NUDC: variants seen among roughly 807,000 people sequenced by gnomAD.
NUDC encodes nuclear distribution C, dynein complex regulator.
A neutral mutation model predicts 45.0 loss-of-function variants in NUDC; 14 were observed. The ratio of observed to expected loss-of-function variants is 0.31; its 90% CI spans 0.21 to 0.49. The LOEUF is 0.49. NUDC is among the 20% of genes least tolerant of loss of function. The probability of loss-of-function intolerance (pLI) is 0.99; values close to 1 mark genes in which losing one functional copy is unlikely to be tolerated. For synonymous variants in NUDC, 153 were observed against 156.7 expected, an observed-to-expected ratio of 0.98 and a Z score of 0.17; for missense variants, 323 against 426.2, an observed-to-expected ratio of 0.76 and a Z score of 2.13.
At chr1:26,921,731 T>G (rs1440142627), upstream of NUDC, 2 of 1,149,774 alleles carry the variant, frequency 1.7e-6, no homozygotes, top group African/African-American at 1.5e-5. Flanking sequence ...CGTGCGTGTT[T>G]CCGGCTCCGC....
At chr1:26,931,369 C>CGCCTG (rs2082182013) in intron 2 of NUDC, among the ~76,000 whole-genome samples, 16 of 142,100 alleles carry the variant, frequency 1.1e-4, no homozygotes, top group Admixed American at 1.1e-3. Context: ...TGAACCACTG[C>CGCCTG]GCCTGGCCTT....
At chr1:26,925,389 A>C (rs1196094340) in intron 2 of NUDC, among the ~76,000 whole-genome samples, 18 of 150,854 alleles carry the variant, frequency 1.2e-4, no homozygotes, top group Non-Finnish European at 2.4e-4. Flanking sequence ...AAACACAAAA[A>C]ATTAGCCAGG....
chr1:26,916,388 T>TA (rs940580610), intron 3 of NUDC, among the ~76,000 whole-genome samples: 87 of 149,518 alleles, frequency 5.8e-4, no homozygotes, highest in African/African-American at 8.6e-4. Context: ...AGACTCTGTC[T>TA]AAAAAAAAAC....
At chr1:26,919,431 G>A (rs1017689045), upstream of NUDC, among the ~76,000 whole-genome samples, 1 of 152,168 alleles carries the variant, frequency 6.6e-6, no homozygotes, top group African/African-American at 2.4e-5. Context: ...CAAGTGTTGG[G>A]ATTACAGGCA....
chr1:26,900,423 G>T (rs762400681), intron 1 of NUDC: 2 of 1,609,660 alleles, frequency 1.2e-6, no homozygotes, highest in Non-Finnish European at 1.7e-6. Context: ...CTCCTCCTCC[G>T]CCTCGCCGGG....
At chr1:26,921,547 T>C (rs1249318076), upstream of NUDC, among the ~76,000 whole-genome samples, 2 of 152,224 alleles carry the variant, frequency 1.3e-5, no homozygotes, top group Admixed American at 6.5e-5. Flanking sequence ...TAGCAACTCA[T>C]GCCAAACTCT....
intron 2 of NUDC, among the ~76,000 whole-genome samples, chr1:26,929,235 A>AT (rs2082158607): frequency 6.6e-6 from 1 of 151,536 alleles, no homozygotes; most frequent in Admixed American, 6.6e-5. Flanking sequence ...GATGGAAAAT[A>AT]TTTGGAAAAA....
intron 6 of NUDC, 86 bp from the exon 7 acceptor site, chr1:26,945,302 GGA>G: frequency 2.9e-6 from 3 of 1,050,422 alleles, no homozygotes; most frequent in Middle Eastern, 2.9e-4. Flanking sequence ...GATGTGGATG[GGA>G]GAGAGTTTGG....
At chr1:26,929,978 C>T (rs948530037) in intron 2 of NUDC, among the ~76,000 whole-genome samples, 3 of 152,166 alleles carry the variant, frequency 2.0e-5, no homozygotes, top group Admixed American at 6.6e-5. Context: ...GAGTCGAGAT[C>T]GCACCACTGC....
chr1:26,943,382 T>G (rs1354578838), intron 6 of NUDC, among the ~76,000 whole-genome samples: 1 of 151,646 alleles, frequency 6.6e-6, no homozygotes, highest in African/African-American at 2.4e-5. Context: ...TAATTTTTGT[T>G]ATTAAATTTT....
At chr1:26,936,897 C>T (rs546349445) in intron 2 of NUDC, among the ~76,000 whole-genome samples, 53 of 151,894 alleles carry the variant, frequency 3.5e-4, no homozygotes, top group African/African-American at 1.2e-3. Flanking sequence ...GAATTCTGAC[C>T]GTAACTACCC....
At chr1:26,944,904 T>C (rs2082306540) in intron 6 of NUDC, among the ~76,000 whole-genome samples, 1 of 152,032 alleles carries the variant, frequency 6.6e-6, no homozygotes, top group Non-Finnish European at 1.5e-5. Context: ...TAGCCAGGTG[T>C]GGTGGTGCAT....
At chr1:26,907,334 T>C (rs184024711) in intron 2 of NUDC, among the ~76,000 whole-genome samples, 16 of 152,344 alleles carry the variant, frequency 1.1e-4, no homozygotes, top group Non-Finnish European at 7.3e-5. Flanking sequence ...CTATCACAGC[T>C]CAGATCACTC....
At chr1:26,927,434 A>G (rs1217169286) in intron 2 of NUDC, among the ~76,000 whole-genome samples, 1 of 138,100 alleles carries the variant, frequency 7.2e-6, no homozygotes, top group South Asian at 2.3e-4. Flanking sequence ...GTCTTGCTCT[A>G]TGACCTAGGC....
Position 26,911,960 on chromosome 1 carries a change from G to A in NUDC, c.93+725G>A, listed in dbSNP as rs201775418. ...CGGAATGGACTTGAGGGTGGAGGCC[G>A]TGAGGAGGACACGGGTCAGGCGGCC... On this transcript the variant is annotated intron_variant, in intron 3 of 6. Coordinates refer to the NUDC transcript ENST00000435827. The A allele has an allele frequency of 7.1e-4, 1,141 of 1,614,240 alleles. 12 individuals are homozygous for A. Among genetic ancestry groups the A allele is most frequent in the Non-Finnish European group, 1.9e-4 (230 of 1,180,046 alleles).
At chr1:26,900,298 A>G (rs1185123432) in exon 1 of NUDC, 5 of 1,613,952 alleles carry the variant, frequency 3.1e-6, no homozygotes, top group Non-Finnish European at 4.2e-6. Context: ...CGATGCCGGT[A>G]GTGGAAACAG....
rs2082317387 is a variant in NUDC, at chr1:26,946,271, G to A, written c.*90G>A. 4.2e-6 allele frequency: 5 copies of A among 1,196,074 alleles called. No individual in the cohort carries two copies. The Admixed American group carries it at 6.8e-5, about 16-fold the overall frequency. The allele number at this position is 1,196,074 out of a possible 1,614,324, so 74.1% of individuals were successfully genotyped here. A position where few individuals can be genotyped will look rare whatever the true frequency, so the allele number is the denominator to read the frequency against. ...CTTCTCTGGGACTTGTGGGCCTCAG[G>A]GCTTGGGGCAGGCATGGGACTGGCC... On this transcript the variant is annotated 3_prime_UTR_variant, in exon 9 of 9. Transcript: ENST00000321265.
chr1:26,940,401 G>A (rs559056345), intron 2 of NUDC, among the ~76,000 whole-genome samples: 1 of 151,982 alleles, frequency 6.6e-6, no homozygotes, highest in East Asian at 1.9e-4. Context: ...ACTTGAACCC[G>A]GGAGGCGGAG....
chr1:26,944,613 C>A (rs1189808870), intron 6 of NUDC, among the ~76,000 whole-genome samples: 1 of 151,954 alleles, frequency 6.6e-6, no homozygotes, highest in Middle Eastern at 3.2e-3. Flanking sequence ...ACCAGCCTGG[C>A]CAAGATGGCA....
Sources: gnomAD v4.1 joint callset for allele counts (sites outside exome capture counted in the v4.1 genomes callset) on GRCh38, gnomAD v4.1.1 for gene constraint, MANE v1.5 for transcripts, NCBI Gene and HGNC (gene_info 2026-07-23, HGNC 2026-07-21) for gene names.